Variants in CHRM2 observed in about 807,000 individuals in gnomAD.
The protein encoded by CHRM2 is cholinergic receptor muscarinic 2.
A neutral mutation model predicts 25.0 loss-of-function variants in CHRM2; 8 were observed. That is an observed-to-expected ratio of 0.32 (90% CI 0.19 to 0.58). The LOEUF is 0.58. CHRM2 is among the 20% of genes least tolerant of loss of function. The pLI is 0.88. For synonymous variants in CHRM2, 202 were observed against 205.7 expected, an observed-to-expected ratio of 0.98 and a Z score of 0.15; for missense variants, 440 against 567.1, an observed-to-expected ratio of 0.78 and a Z score of 2.28.
chr7:137,008,573 A>T (rs1236887262), intron 3 of CHRM2, among the ~76,000 whole-genome samples: 1 of 152,058 alleles, frequency 6.6e-6, no homozygotes. Context: ...TTGAGATCTT[A>T]ATGGTTGAAA....
intron 2 of CHRM2, among the ~76,000 whole-genome samples, chr7:136,980,801 C>A (rs1200474931): frequency 6.6e-6 from 1 of 152,156 alleles, no homozygotes. Flanking sequence ...CTGACTTGAT[C>A]ATAGTGGATA....
intron 2 of CHRM2, among the ~76,000 whole-genome samples, chr7:136,876,842 T>TAA (rs34920495): frequency 0.16 from 25,020 of 152,030 alleles, 2,446 homozygotes; most frequent in Non-Finnish European, 0.23. Context: ...TCAATATTCA[T>TAA]GTCACCAGGT....
At chr7:136,958,575 GA>G in intron 2 of CHRM2, among the ~76,000 whole-genome samples, 1 of 149,316 alleles carries the variant, frequency 6.7e-6, no homozygotes, top group African/African-American at 2.5e-5. Context: ...TCTCACCTCA[GA>G]CCCCTGAGAA....
intron 3 of CHRM2, among the ~76,000 whole-genome samples, chr7:137,012,171 C>T (rs1446447466): frequency 6.6e-6 from 1 of 151,938 alleles, no homozygotes; most frequent in East Asian, 1.9e-4. Context: ...GAAACAGATA[C>T]ACATATAGCT....
intron 2 of CHRM2, among the ~76,000 whole-genome samples, chr7:136,921,794 C>CTTTCTTTTTTTTTTTTTTTTTTTTTTT (rs776923730): frequency 8.6e-6 from 1 of 116,538 alleles, no homozygotes; most frequent in Non-Finnish European, 2.0e-5. Flanking sequence ...TTCTTTCTTT[C>CTTTCTTTTTTTTTTTTTTTTTTTTTTT]TTTTTTTTGA....
chr7:136,968,069 G>A (rs1379473814), intron 2 of CHRM2, among the ~76,000 whole-genome samples: 1 of 151,926 alleles, frequency 6.6e-6, no homozygotes, highest in Non-Finnish European at 1.5e-5. Context: ...AACAATGATT[G>A]TATGTATTTA....
chr7:136,986,811 G>C (rs7799047), intron 2 of CHRM2, among the ~76,000 whole-genome samples: 92,278 of 151,988 alleles, frequency 0.61, 29,079 homozygotes, highest in Non-Finnish European at 0.69. Flanking sequence ...TATAGGGACC[G>C]TTTTTGTTCC....
intron 2 of CHRM2, among the ~76,000 whole-genome samples, chr7:136,901,116 G>A (rs2130618370): frequency 6.6e-6 from 1 of 152,170 alleles, no homozygotes; most frequent in African/African-American, 2.4e-5. Flanking sequence ...CTGCAAGCCA[G>A]TAGATTGTCC....
At chr7:136,922,375 C>G (rs1798497460) in intron 2 of CHRM2, among the ~76,000 whole-genome samples, 1 of 152,186 alleles carries the variant, frequency 6.6e-6, no homozygotes, top group African/African-American at 2.4e-5. Flanking sequence ...TGGCCCTGCT[C>G]TTCTCTACAT....
At chr7:136,918,100 C>T (rs970140383) in intron 2 of CHRM2, among the ~76,000 whole-genome samples, 1 of 152,008 alleles carries the variant, frequency 6.6e-6, no homozygotes, top group African/African-American at 2.4e-5. Flanking sequence ...CAGAAAGGAC[C>T]ACCATGTCCA....
At chr7:136,976,215 G>A (rs1230071216) in intron 2 of CHRM2, among the ~76,000 whole-genome samples, 1 of 152,008 alleles carries the variant, frequency 6.6e-6, no homozygotes, top group African/African-American at 2.4e-5. Flanking sequence ...AAAGAATTGT[G>A]GCCTATGAAG....
At chr7:136,877,421 T>G (rs951838237) in intron 2 of CHRM2, among the ~76,000 whole-genome samples, 2 of 152,062 alleles carry the variant, frequency 1.3e-5, no homozygotes. Context: ...CTATTTCTTA[T>G]TTTTTTCCTT....
At chr7:136,936,424 T>C (rs1358985502) in intron 2 of CHRM2, among the ~76,000 whole-genome samples, 1 of 152,176 alleles carries the variant, frequency 6.6e-6, no homozygotes, top group Non-Finnish European at 1.5e-5. Context: ...CATTGTACTG[T>C]AGCTAGGTAG....
chr7:136,880,874 G>C (rs1040626468), intron 2 of CHRM2, among the ~76,000 whole-genome samples: 1 of 151,782 alleles, frequency 6.6e-6, no homozygotes, highest in Admixed American at 6.6e-5. Context: ...GATATCCTAA[G>C]TGTAGTACTT....
intron 2 of CHRM2, among the ~76,000 whole-genome samples, chr7:136,876,336 G>A (rs1016004014): frequency 1.3e-5 from 2 of 152,066 alleles, no homozygotes; most frequent in Admixed American, 6.5e-5. Context: ...TACAGATGAC[G>A]TGAGAATAGA....
chr7:136,959,134 T>C (rs1299742040), intron 2 of CHRM2, among the ~76,000 whole-genome samples: 1 of 152,230 alleles, frequency 6.6e-6, no homozygotes, highest in East Asian at 1.9e-4. Flanking sequence ...TCTTATCTCC[T>C]TCCTCTCCTT....
intron 2 of CHRM2, among the ~76,000 whole-genome samples, chr7:136,898,178 T>G (rs1008470608): frequency 6.6e-6 from 1 of 152,174 alleles, no homozygotes; most frequent in Non-Finnish European, 1.5e-5. Context: ...GTTTTATGTA[T>G]TTCTCATAGT....
intron 2 of CHRM2, among the ~76,000 whole-genome samples, chr7:136,923,489 T>A: frequency 6.6e-6 from 1 of 152,078 alleles, no homozygotes; most frequent in African/African-American, 2.4e-5. Flanking sequence ...CAATTTTTTT[T>A]TTACCCTAAT....
intron 2 of CHRM2, among the ~76,000 whole-genome samples, chr7:136,977,391 TTTTTTTTC>T (rs989561876): frequency 6.6e-6 from 1 of 152,090 alleles, no homozygotes; most frequent in African/African-American, 2.4e-5. Flanking sequence ...CCTGAATCTT[TTTTTTTTC>T]TTTTTTCTTT....
Sources: gnomAD v4.1 joint callset for allele counts (sites outside exome capture counted in the v4.1 genomes callset) on GRCh38, gnomAD v4.1.1 for gene constraint, MANE v1.5 for transcripts, NCBI Gene and HGNC (gene_info 2026-07-23, HGNC 2026-07-21) for gene names.